ANKRD36B: variants seen among roughly 807,000 people sequenced by gnomAD.
ANKRD36B encodes ankyrin repeat domain 36B.
In ANKRD36B, 37 loss-of-function variants were observed where a neutral mutation model predicts 135.7. The ratio of observed to expected loss-of-function variants is 0.27; its 90% CI spans 0.21 to 0.36. ANKRD36B has a LOEUF of 0.36. Ranked by LOEUF, ANKRD36B falls within the 10% of genes least tolerant of loss-of-function variation. The probability of loss-of-function intolerance (pLI) is 1.00; values close to 1 mark genes in which losing one functional copy is unlikely to be tolerated. For synonymous variants in ANKRD36B, 179 were observed against 348.1 expected (o/e 0.51, Z 5.41); for missense variants, 549 against 1,037.1 (o/e 0.53, Z 6.46).
At chr2:97,576,040 T>C (rs1314309650) in intron 6 of ANKRD36B, among the ~76,000 whole-genome samples, 2 of 149,882 alleles carry the variant, frequency 1.3e-5, no homozygotes, top group East Asian at 3.9e-4. Flanking sequence ...ACAAATTAAA[T>C]AGAAGTTCTA....
intron 18 of ANKRD36B, 84 bp downstream of exon 18, chr2:97,551,205 C>T (rs1470757451): frequency 3.1e-5 from 47 of 1,501,538 alleles, no homozygotes; most frequent in Non-Finnish European, 3.9e-5. Flanking sequence ...TGTGCAGCTT[C>T]GACCAGCCCC....
intron 12 of ANKRD36B, 126 bp downstream of exon 12, chr2:97,556,811 T>G (rs944307403): frequency 4.2e-6 from 6 of 1,433,442 alleles, no homozygotes; most frequent in Non-Finnish European, 5.6e-6. Flanking sequence ...TTACTAGAAA[T>G]GCACAATCTC....
intron 22 of ANKRD36B, among the ~76,000 whole-genome samples, chr2:97,546,391 T>C (rs1485688892): frequency 1.3e-5 from 2 of 151,762 alleles, no homozygotes; most frequent in African/African-American, 2.4e-5. Flanking sequence ...ATTGATCACC[T>C]TGGATATCTG....
rs1413701153 is a variant in ANKRD36B, at chr2:97,546,790, C to A, written c.1579+746G>T. The stretch of plus-strand genomic sequence containing the variant: ...TTCATCCAAGAGGTAGCCCCTTGAA[C>A]AAGGAAGCAAATTTATTCATATTCA... On this transcript the variant is annotated intron_variant, in intron 22 of 43. Transcript: ENST00000359901. 3.3e-5 allele frequency among the ~76,000 whole-genome samples: 5 copies of A among 151,626 alleles called. No homozygotes were observed. The Admixed American group carries it at 3.3e-4, about 10-fold the overall frequency.
chr2:97,556,953 A>T lies in ANKRD36B; in HGVS notation c.1053T>A (p.Gly351=). 1 of 1,591,164 alleles carries T rather than the reference A, an allele frequency of 6.3e-7. No homozygotes were observed. Among genetic ancestry groups the T allele is most frequent in the Non-Finnish European group, 8.6e-7 (1 of 1,168,998 alleles). The stretch of plus-strand genomic sequence containing the variant: ...CCAAATTACCTGTTCCAGATTTCCC[A>T]CCGCCCATTATTCTTGTGGCAATAT... ...LLNIATRIMG[G]GKSGTVSSQK... is the part of the protein sequence containing the mutation. Residue 351 remains glycine (G), a synonymous_variant, in exon 12 of 44, where the codon GGT becomes GGA. Transcript: ENST00000359901.
At chr2:97,549,757 T>A (rs2079863493) in intron 18 of ANKRD36B, 143 bp from the exon 19 acceptor site, 17 of 1,450,376 alleles carry the variant, frequency 1.2e-5, no homozygotes, top group Admixed American at 1.9e-5. Context: ...GTCTGCGGAC[T>A]AGAACGTGAC....
chr2:97,546,580 T>A (rs779350863), intron 22 of ANKRD36B, among the ~76,000 whole-genome samples: 3 of 151,738 alleles, frequency 2.0e-5, no homozygotes, highest in Non-Finnish European at 2.9e-5. Flanking sequence ...CTATGACATA[T>A]TTCTTCAAAG....
chr2:97,529,316 C>T (rs1313078419), intron 35 of ANKRD36B, among the ~76,000 whole-genome samples: 1 of 95,730 alleles, frequency 1.0e-5, no homozygotes, highest in Non-Finnish European at 2.8e-5. Context: ...ATGATTATCT[C>T]AATAGATGCA....
chr2:97,540,948 A>G lies in ANKRD36B; in HGVS notation c.1886-719T>C, dbSNP rs1381561544. On this transcript the variant is annotated intron_variant, in intron 28 of 43. Transcript: ENST00000359901. ...TATCATCAATTATCAATTTTGACAT[A>G]CTTCTACAAAGTAAAACTGCTACAA... is the stretch of plus-strand genomic sequence containing the variant. 2.0e-4 allele frequency among the ~76,000 whole-genome samples: 19 copies of G among 96,792 alleles called. 7 individuals carry two copies. In the Middle Eastern group the frequency reaches 0.021, roughly 106 times the overall value. The allele number at this position is 96,792 out of a possible 152,430, so 63.5% of individuals were successfully genotyped here.
intron 26 of ANKRD36B, among the ~76,000 whole-genome samples, chr2:97,543,407 A>G (rs1387456023): frequency 1.7e-5 from 2 of 116,826 alleles, no homozygotes; most frequent in East Asian, 2.1e-4. Flanking sequence ...TATTAGGATC[A>G]CTATTCTGTC....
At chr2:97,539,913 T>A (rs1335056868) in intron 30 of ANKRD36B, 121 bp downstream of exon 30, 1 of 438,746 alleles carries the variant, frequency 2.3e-6, no homozygotes, top group African/African-American at 2.3e-5. Context: ...AAATGAAGAA[T>A]CTCAGGTCTG....
At chr2:97,575,212 T>TG (rs1388379545) in intron 6 of ANKRD36B, among the ~76,000 whole-genome samples, 2 of 151,732 alleles carry the variant, frequency 1.3e-5, no homozygotes, top group South Asian at 4.2e-4. Flanking sequence ...TTCCTGGGGG[T>TG]GGGGAGGGAA....
chr2:97,562,900 T>A (rs183740750), intron 6 of ANKRD36B, among the ~76,000 whole-genome samples: 1 of 152,160 alleles, frequency 6.6e-6, no homozygotes, highest in East Asian at 1.9e-4. Flanking sequence ...TTCACTCACA[T>A]CGGTTTGAGT....
At chr2:97,585,930 G>A (rs1388357344) in intron 1 of ANKRD36B, among the ~76,000 whole-genome samples, 1 of 152,126 alleles carries the variant, frequency 6.6e-6, no homozygotes, top group Non-Finnish European at 1.5e-5. Flanking sequence ...TCTTATATAA[G>A]CTACTATTCT....
chr2:97,533,378 T>C lies in ANKRD36B; in HGVS notation c.2192-994A>G, dbSNP rs546461283. On this transcript the variant is annotated intron_variant, in intron 34 of 43. Coordinates refer to ENST00000359901, the MANE Select transcript of ANKRD36B (RefSeq NM_001393939.1). ...CTGATAATGAGAAAAATGATCCTTA[T>C]AAAGAATAGCAAATCATGATCCTAA... 2.1e-5 allele frequency among the ~76,000 whole-genome samples: 2 copies of C among 97,486 alleles called. 1 individual carries two copies. Among genetic ancestry groups the C allele is most frequent in the East Asian group, 4.6e-4 (2 of 4,326 alleles). 64.0% of individuals were successfully genotyped at this position (97,486 alleles called of 152,430 possible).
intron 6 of ANKRD36B, among the ~76,000 whole-genome samples, chr2:97,567,478 C>T (rs1368843168): frequency 6.6e-6 from 1 of 151,948 alleles, no homozygotes; most frequent in Non-Finnish European, 1.5e-5. Context: ...GGCTGCCTGT[C>T]ATAAGTCAAT....
At chr2:97,546,882 A>G (rs1040893325) in intron 22 of ANKRD36B, among the ~76,000 whole-genome samples, 2 of 151,686 alleles carry the variant, frequency 1.3e-5, no homozygotes, top group African/African-American at 4.8e-5. Flanking sequence ...AGTAACAAAG[A>G]GGAGTAATGA....
At chr2:97,576,763 C>T (rs1041155060) in intron 5 of ANKRD36B, among the ~76,000 whole-genome samples, 8 of 151,808 alleles carry the variant, frequency 5.3e-5, no homozygotes, top group Non-Finnish European at 1.0e-4. Context: ...AAACAAGTTG[C>T]TTCTCTTAGG....
intron 4 of ANKRD36B, among the ~76,000 whole-genome samples, chr2:97,579,668 A>C (rs1203060227): frequency 1.4e-5 from 2 of 143,930 alleles, no homozygotes; most frequent in Non-Finnish European, 3.0e-5. Flanking sequence ...ATTATCTATA[A>C]ATATATATTG....
Sources: allele counts gnomAD v4.1 joint callset (sites outside exome capture counted in the v4.1 genomes callset), GRCh38; gene constraint gnomAD v4.1.1; transcripts MANE v1.5; gene names NCBI Gene and HGNC (gene_info 2026-07-23, HGNC 2026-07-21).